The following ANKRD26 variants were observed in gnomAD, a reference collection of about 807,000 sequenced individuals.
The protein encoded by ANKRD26 is ankyrin repeat domain 26, also known as ankyrin repeat domain-containing protein 26.
Under a neutral mutation model 208.7 loss-of-function variants are expected in ANKRD26, and 141 were observed. That is an observed-to-expected ratio of 0.68 (90% CI 0.59 to 0.78). The LOEUF (loss-of-function observed/expected upper bound fraction) is 0.78. ANKRD26 is among the 30% of genes least tolerant of loss of function. The pLI is 0.00. For synonymous variants in ANKRD26, 636 were observed against 660.4 expected, an observed-to-expected ratio of 0.96 and a Z score of 0.57; for missense variants, 1,889 against 1,938.7, an observed-to-expected ratio of 0.97 and a Z score of 0.48.
exon 4 of ANKRD26, among the ~76,000 whole-genome samples, chr10:26,982,791 C>T (rs973327818): frequency 1.3e-5 from 2 of 152,068 alleles, no homozygotes; most frequent in Non-Finnish European, 2.9e-5. Flanking sequence ...GTCTTAGTTG[C>T]AAGCACATAC....
chr10:27,069,314 C>T (rs1197356359), intron 9 of ANKRD26, among the ~76,000 whole-genome samples: 1 of 151,826 alleles, frequency 6.6e-6, no homozygotes, highest in Non-Finnish European at 1.5e-5. Flanking sequence ...CAAGATTTCT[C>T]CTGCTTCAAT....
exon 5 of ANKRD26, among the ~76,000 whole-genome samples, chr10:26,980,653 T>A (rs2052293595): frequency 6.6e-6 from 1 of 152,190 alleles, no homozygotes; most frequent in African/African-American, 2.4e-5. Flanking sequence ...TTCTTCCAGA[T>A]GAAAGGCTGC....
At chr10:27,009,526 G>C (rs2053015958) in intron 32 of ANKRD26, among the ~76,000 whole-genome samples, 1 of 151,922 alleles carries the variant, frequency 6.6e-6, no homozygotes, top group Non-Finnish European at 1.5e-5. Flanking sequence ...ACAGACTATG[G>C]AAGAAAAAAG....
intron 30 of ANKRD26, among the ~76,000 whole-genome samples, chr10:27,015,402 G>A (rs2053257092): frequency 1.3e-5 from 2 of 152,208 alleles, no homozygotes; most frequent in Non-Finnish European, 1.5e-5. Flanking sequence ...GTGTGATCCT[G>A]AGCCTGACTA....
Position 27,005,303 on chromosome 10 carries a change from A to G in ANKRD26, c.*287T>C, listed in dbSNP as rs1304370143. ...AAAAATTACAAAATACAAATAAGCC[A>G]TCAATTAACTGCACTAAAGTATTAA... On this transcript the variant is annotated 3_prime_UTR_variant, in exon 34 of 34. Coordinates refer to ENST00000376087, the MANE Select transcript of ANKRD26 (RefSeq NM_014915.3). 1 of 1,096,522 alleles carries G rather than the reference A, an allele frequency of 9.1e-7. No individual in the cohort carries two copies. The highest frequency in any genetic ancestry group is 7.1e-5 in the East Asian group (1 of 14,148). 67.9% of individuals were successfully genotyped at this position (1,096,522 alleles called of 1,614,324 possible).
At chr10:27,011,623 T>C (rs560867259) in intron 32 of ANKRD26, among the ~76,000 whole-genome samples, 2 of 152,264 alleles carry the variant, frequency 1.3e-5, no homozygotes, top group South Asian at 4.1e-4. Flanking sequence ...GATTGCAAGG[T>C]TCCTCTTCAA....
In ANKRD26 at chr10:27,093,792, G is replaced by C. The variant is rs1224128760; in HGVS notation, c.250C>G (p.Leu84Val). The change falls in exon 2 of 34, where the codon CTA becomes GTA. Residue 84 changes from leucine (L) to valine (V), a missense_variant. Leu to Val is a conservative substitution (Grantham distance 32, BLOSUM62 1). Coordinates refer to ENST00000376087, the MANE Select transcript of ANKRD26 (RefSeq NM_014915.3). ...NDRDKMNRTA[L>V]HLACANGHPE... ...TGACCATTGGCACAGGCCAAATGTA[G>C]AGCCGTCCTATGAGAGTGACAGGAC... 6.2e-7 allele frequency: 1 copy of C among 1,613,626 alleles called. No individual in the cohort carries two copies. Among genetic ancestry groups the C allele is most frequent in the Non-Finnish European group, 8.5e-7 (1 of 1,179,512 alleles).
the ANKRD26 span, among the ~76,000 whole-genome samples, chr10:26,955,996 ATAT>A: frequency 6.6e-6 from 1 of 152,200 alleles, no homozygotes; most frequent in Non-Finnish European, 1.5e-5. Flanking sequence ...TTTAAAGTTA[ATAT>A]TATTAGTCTA....
At chr10:27,011,274 A>T (rs370041557) in intron 32 of ANKRD26, among the ~76,000 whole-genome samples, 1 of 152,200 alleles carries the variant, frequency 6.6e-6, no homozygotes, top group South Asian at 2.1e-4. Flanking sequence ...TAATTTTTTA[A>T]GAGACAGGGT....
At chr10:27,068,945 G>A (rs12268067) in intron 9 of ANKRD26, among the ~76,000 whole-genome samples, 1 of 151,946 alleles carries the variant, frequency 6.6e-6, no homozygotes, top group Admixed American at 6.6e-5. Context: ...TGTAATCCCA[G>A]CACTTTGGGA....
intron 4 of ANKRD26, among the ~76,000 whole-genome samples, chr10:26,996,656 T>C (rs764524521): frequency 7.8e-4 from 118 of 152,206 alleles, no homozygotes; most frequent in Non-Finnish European, 1.3e-3. Flanking sequence ...TAATCTTGTA[T>C]GATAGGGACA....
At chr10:27,086,762 T>TTTC (rs1240171260) in intron 4 of ANKRD26, among the ~76,000 whole-genome samples, 153 bp from the exon 5 acceptor site, 21 of 113,902 alleles carry the variant, frequency 1.8e-4, no homozygotes, top group Admixed American at 3.2e-4. Flanking sequence ...CTCTACAAAC[T>TTTC]TTTTTGTTTT....
At chr10:26,966,601 TAAG>T in the ANKRD26 span, among the ~76,000 whole-genome samples, 4 of 152,172 alleles carry the variant, frequency 2.6e-5, no homozygotes, top group Non-Finnish European at 5.9e-5. Context: ...CCAATTTTTT[TAAG>T]AAGAAATAAA....
intron 21 of ANKRD26, 107 bp downstream of exon 21, chr10:27,039,858 A>G (rs1264126463): frequency 1.0e-6 from 1 of 987,716 alleles, no homozygotes; most frequent in East Asian, 2.5e-5. Context: ...CAAGACTAAG[A>G]AGTTTTCTTC....
the ANKRD26 span, among the ~76,000 whole-genome samples, chr10:26,961,605 A>C: frequency 6.6e-6 from 1 of 152,288 alleles, no homozygotes; most frequent in South Asian, 2.1e-4. Flanking sequence ...AAACTTTGGG[A>C]TGCCAAAGCA....
At chr10:26,991,348 G>A (rs978639060), downstream of ANKRD26, among the ~76,000 whole-genome samples, 1 of 152,172 alleles carries the variant, frequency 6.6e-6, no homozygotes, top group Non-Finnish European at 1.5e-5. Flanking sequence ...TTAAGGATGT[G>A]TGCCCAGGAG....
intron 25 of ANKRD26, among the ~76,000 whole-genome samples, chr10:27,030,104 T>C (rs2053814903): frequency 6.6e-6 from 1 of 152,232 alleles, no homozygotes; most frequent in African/African-American, 2.4e-5. Flanking sequence ...TGTGTGATTC[T>C]TTTTACTGTA....
At chr10:26,985,475 C>T (rs1034067106) in intron 3 of ANKRD26, among the ~76,000 whole-genome samples, 1 of 152,132 alleles carries the variant, frequency 6.6e-6, no homozygotes, top group African/African-American at 2.4e-5. Context: ...ATTTCCCTCT[C>T]ATTTGGGCTA....
chr10:27,046,066 GGCTC>G lies in ANKRD26; in HGVS notation c.1985+283_1985+286del, dbSNP rs879725351. ...GCATTTTAAAATAAAAAAGAAAGAA[GGCTC>G]CCTTGAATCCCACATTCTTCTTCAG... On this transcript the variant is annotated intron_variant, in intron 18 of 33. Transcript: ENST00000376087. 0.035 allele frequency: 10,618 copies of G among 302,238 alleles called. 176 individuals are homozygous for G. Among genetic ancestry groups the G allele is most frequent in the Non-Finnish European group, 0.04 (6,508 of 162,674 alleles). 18.7% of individuals were successfully genotyped at this position (302,238 alleles called of 1,614,324 possible).
Sources: allele counts gnomAD v4.1 joint callset (sites outside exome capture counted in the v4.1 genomes callset), GRCh38; gene constraint gnomAD v4.1.1; transcripts MANE v1.5; gene names NCBI Gene and HGNC (gene_info 2026-07-23, HGNC 2026-07-21).